ZNF254: variants seen among roughly 807,000 people sequenced by gnomAD.
ZNF254 encodes zinc finger protein 254, also known as CTD-2017D11.1.
In ZNF254, 10 loss-of-function variants were observed where a neutral mutation model predicts 12.4. That is an observed-to-expected ratio of 0.80 (90% CI 0.50 to 1.36). The LOEUF (loss-of-function observed/expected upper bound fraction) is 1.36, where lower values mean the gene tolerates loss of function less well. ZNF254 is among the 40% of genes most tolerant of loss of function. The probability of loss-of-function intolerance (pLI) is 0.00; values close to 1 mark genes in which losing one functional copy is unlikely to be tolerated. For missense variants in ZNF254, 996 were observed against 763.9 expected, an observed-to-expected ratio of 1.30 and a Z score of -3.58; for synonymous variants, 305 against 253.4, an observed-to-expected ratio of 1.20 and a Z score of -1.93.
chr19:24,089,833 C>T (rs1305013912), intron 1 of ZNF254, among the ~76,000 whole-genome samples: 1 of 151,746 alleles, frequency 6.6e-6, no homozygotes, highest in Non-Finnish European at 1.5e-5. Context: ...ATAATTTCTG[C>T]CTCCTGGTTT....
upstream of ZNF254, among the ~76,000 whole-genome samples, chr19:24,083,801 C>T (rs1971933523): frequency 6.6e-6 from 1 of 152,086 alleles, no homozygotes; most frequent in Non-Finnish European, 1.5e-5. Context: ...CACCTTATTC[C>T]TGCAAAAATG....
In ZNF254 at chr19:24,034,297, A is replaced by T. The variant is rs186918601; in HGVS notation, c.-190+676A>T. On this transcript the variant is annotated intron_variant, in intron 1 of 4. Coordinates refer to the ZNF254 transcript ENST00000613065. ...CTCCTGCAGATGTCCCAGCCTGCTC[A>T]CAATAGCCATGGACAGAACCTTTAT... 2.0e-3 allele frequency among the ~76,000 whole-genome samples: 306 copies of T among 152,150 alleles called. 1 individual carries two copies. Among genetic ancestry groups the T allele is most frequent in the African/African-American group, 7.2e-3 (297 of 41,530 alleles).
At chr19:24,112,430 C>A (rs540592121) in intron 3 of ZNF254, among the ~76,000 whole-genome samples, 1 of 147,886 alleles carries the variant, frequency 6.8e-6, no homozygotes, top group Non-Finnish European at 1.5e-5. Flanking sequence ...CTTGGTGATG[C>A]GGGCTCTTTT....
At chr19:24,037,133 G>T (rs2145167970) in intron 1 of ZNF254, among the ~76,000 whole-genome samples, 2 of 152,308 alleles carry the variant, frequency 1.3e-5, no homozygotes, top group Middle Eastern at 3.4e-3. Flanking sequence ...AGTATCTGTA[G>T]CATAAACCAG....
intron 2 of ZNF254, among the ~76,000 whole-genome samples, chr19:24,073,106 T>G (rs1239670728): frequency 6.6e-6 from 1 of 152,238 alleles, no homozygotes; most frequent in Admixed American, 6.5e-5. Flanking sequence ...AGTCTTTGGA[T>G]GGTACAGAGA....
intron 1 of ZNF254, 48 bp downstream of exon 1, chr19:24,087,385 G>T: frequency 6.2e-7 from 1 of 1,611,940 alleles, no homozygotes; most frequent in Non-Finnish European, 8.5e-7. Context: ...GGGCTGGTTG[G>T]AACTGGTGGG....
chr19:24,125,905 A>G (rs982209756), intron 3 of ZNF254, among the ~76,000 whole-genome samples: 1 of 152,252 alleles, frequency 6.6e-6, no homozygotes, highest in Non-Finnish European at 1.5e-5. Context: ...CTTTTAAAAC[A>G]GAAACCAAGA....
intron 3 of ZNF254, among the ~76,000 whole-genome samples, chr19:24,125,895 C>T (rs1484364976): frequency 2.0e-5 from 3 of 152,182 alleles, no homozygotes; most frequent in African/African-American, 7.2e-5. Flanking sequence ...TTTTACCTTT[C>T]TTTTAAAACA....
chr19:24,129,620 T>C lies in ZNF254; in HGVS notation c.*1640T>C, dbSNP rs1311103649. On this transcript the variant is annotated 3_prime_UTR_variant, in exon 4 of 4. Transcript: ENST00000357002. ...TATATGTATGCCATATATGGTATAT[T>C]TTGATGCAGGCATACTCTATATAAT... 1 of 152,014 alleles carries C rather than the reference T, an allele frequency of 6.6e-6. No individual in the cohort carries two copies. Among genetic ancestry groups the C allele is most frequent in the African/African-American group, 2.4e-5 (1 of 41,436 alleles). The allele number at this position is 152,014 out of a possible 1,614,324, so 9.4% of individuals were successfully genotyped here. A position where few individuals can be genotyped will look rare whatever the true frequency, so the allele number is the denominator to read the frequency against.
upstream of ZNF254, among the ~76,000 whole-genome samples, chr19:24,086,704 T>A (rs987384208): frequency 1.3e-5 from 2 of 152,062 alleles, no homozygotes; most frequent in Non-Finnish European, 2.9e-5. Context: ...CTCCAACACA[T>A]GACCTAATGT....
At chr19:24,071,227 G>T (rs905305443) in intron 2 of ZNF254, among the ~76,000 whole-genome samples, 1 of 152,150 alleles carries the variant, frequency 6.6e-6, no homozygotes, top group Admixed American at 6.5e-5. Flanking sequence ...CCTACGTGAT[G>T]TTACTCTTTG....
chr19:24,074,514 A>G (rs1568440179), intron 2 of ZNF254, among the ~76,000 whole-genome samples: 1 of 152,010 alleles, frequency 6.6e-6, no homozygotes, highest in Non-Finnish European at 1.5e-5. Context: ...TGATGTGACT[A>G]TTCTTTCTTC....
intron 2 of ZNF254, among the ~76,000 whole-genome samples, chr19:24,058,532 C>T (rs1970949426): frequency 6.6e-6 from 1 of 151,966 alleles, no homozygotes; most frequent in Admixed American, 6.6e-5. Context: ...CTCAGCCTCC[C>T]AAGTAGCTTA....
At chr19:24,033,632 G>A in intron 1 of ZNF254, 1 of 399,860 alleles carries the variant, frequency 2.5e-6, no homozygotes, top group Non-Finnish European at 4.9e-6. Context: ...GTGAGTGTGC[G>A]GGGTTGGGCA....
chr19:24,073,973 T>G (rs1051360065), intron 2 of ZNF254, among the ~76,000 whole-genome samples: 3 of 152,228 alleles, frequency 2.0e-5, no homozygotes, highest in Non-Finnish European at 4.4e-5. Context: ...GATTAGATCA[T>G]GACACATCAC....
intron 2 of ZNF254, among the ~76,000 whole-genome samples, chr19:24,052,659 C>T (rs1448310210): frequency 6.6e-6 from 1 of 152,112 alleles, no homozygotes; most frequent in African/African-American, 2.4e-5. Flanking sequence ...GAGATTGTAA[C>T]GTATCCCTAA....
At position 24,115,145 on chromosome 19, in the gene ZNF254, T is replaced by C. The variant is rs886612288; in HGVS notation, c.253+8502T>C. 4.6e-5 allele frequency among the ~76,000 whole-genome samples: 7 copies of C among 152,056 alleles called. 1 individual carries two copies. Among genetic ancestry groups the C allele is most frequent in the African/African-American group, 1.7e-4 (7 of 41,330 alleles). On this transcript the variant is annotated intron_variant, in intron 3 of 3. Transcript: ENST00000357002. Reference sequence around the variant, plus strand: ...TTCCTCAGGGATCTAGAACTAGAAATACCATTTGACCCACCCAACCCATTA... The same window carrying C: ...TTCCTCAGGGATCTAGAACTAGAAACACCATTTGACCCACCCAACCCATTA...
At chr19:24,061,241 G>A (rs942331008) in intron 2 of ZNF254, among the ~76,000 whole-genome samples, 5 of 151,282 alleles carry the variant, frequency 3.3e-5, no homozygotes, top group African/African-American at 1.2e-4. Flanking sequence ...TCACCTAACC[G>A]ATGTGACTCC....
chr19:24,063,283 A>G (rs911997974), intron 2 of ZNF254, among the ~76,000 whole-genome samples: 3 of 152,214 alleles, frequency 2.0e-5, no homozygotes, highest in Non-Finnish European at 4.4e-5. Context: ...TGTGACATAC[A>G]TCTTAGCCCA....
Sources: gnomAD v4.1 joint callset for allele counts (sites outside exome capture counted in the v4.1 genomes callset) on GRCh38, gnomAD v4.1.1 for gene constraint, MANE v1.5 for transcripts, NCBI Gene and HGNC (gene_info 2026-07-23, HGNC 2026-07-21) for gene names.